DPYD: variants seen among roughly 807,000 people sequenced by gnomAD.
DPYD encodes the protein dihydropyrimidine dehydrogenase [NADP(+)].
DPYD carries 109 observed loss-of-function variants against 116.2 expected under a neutral mutation model. The ratio of observed to expected loss-of-function variants is 0.94; its 90% CI spans 0.80 to 1.10. DPYD has a LOEUF of 1.10. Among genes scored for constraint, DPYD ranks in the 50% least tolerant of loss-of-function variants. The pLI is 0.00. For missense variants in DPYD, 1,302 were observed against 1,254.5 expected, an observed-to-expected ratio of 1.04 and a Z score of -0.57; for synonymous variants, 440 against 432.0, an observed-to-expected ratio of 1.02 and a Z score of -0.23.
chr1:97,492,906 G>C lies in DPYD; in HGVS notation c.1740+22820C>G, dbSNP rs559161818. ...AAATCAATAATTTAAACCACAGGTTGAACATTTTTACTGCTTCCACTGCAG... is the reference window on the plus strand; with the variant it reads ...AAATCAATAATTTAAACCACAGGTTCAACATTTTTACTGCTTCCACTGCAG... On this transcript the variant is annotated intron_variant, in intron 13 of 22. Transcript: ENST00000370192. Among the ~76,000 whole-genome samples, 8 of 152,184 alleles carry C rather than the reference G, an allele frequency of 5.3e-5. No individual in the cohort carries two copies. The South Asian group carries it at 1.5e-3, about 28-fold the overall frequency.
chr1:97,449,449 G>A (rs1676277146), intron 14 of DPYD, among the ~76,000 whole-genome samples: 1 of 151,550 alleles, frequency 6.6e-6, no homozygotes, highest in South Asian at 2.1e-4. Flanking sequence ...GAGGTGGGAG[G>A]GATAGGGACA....
intron 19 of DPYD, among the ~76,000 whole-genome samples, chr1:97,220,713 G>A (rs1570698407): frequency 1.3e-5 from 2 of 152,086 alleles, no homozygotes; most frequent in East Asian, 3.9e-4. Flanking sequence ...TTATCTTACT[G>A]TCAATTATAT....
At chr1:97,173,935 C>CA (rs1274757072) in intron 20 of DPYD, among the ~76,000 whole-genome samples, 1 of 150,850 alleles carries the variant, frequency 6.6e-6, no homozygotes, top group African/African-American at 2.4e-5. Flanking sequence ...TAATGCCCTA[C>CA]AAAATGCACA....
chr1:97,081,118 G>A (rs1384385124), intron 22 of DPYD, among the ~76,000 whole-genome samples: 1 of 134,738 alleles, frequency 7.4e-6, no homozygotes, highest in Non-Finnish European at 1.6e-5. Context: ...TAGAACTGTG[G>A]AACTAGGAAG....
intron 8 of DPYD, among the ~76,000 whole-genome samples, chr1:97,626,988 G>C (rs1345288139): frequency 1.3e-5 from 2 of 151,998 alleles, no homozygotes; most frequent in African/African-American, 4.8e-5. Flanking sequence ...ATGTCTCATA[G>C]TTCTAGGAGC....
chr1:97,806,684 T>C (rs1353505440), intron 3 of DPYD, among the ~76,000 whole-genome samples: 4 of 151,934 alleles, frequency 2.6e-5, no homozygotes, highest in Admixed American at 6.6e-5. Flanking sequence ...ACAAAGTTCA[T>C]AGTTTACATT....
At chr1:97,362,187 G>C (rs933523084) in intron 16 of DPYD, among the ~76,000 whole-genome samples, 4 of 152,172 alleles carry the variant, frequency 2.6e-5, no homozygotes, top group African/African-American at 4.8e-5. Context: ...CAAATCATGA[G>C]CGAACTCCCA....
chr1:97,889,021 G>C (rs1425206742), intron 1 of DPYD, among the ~76,000 whole-genome samples: 1 of 151,994 alleles, frequency 6.6e-6, no homozygotes, highest in African/African-American at 2.4e-5. Flanking sequence ...GCCAGGCATG[G>C]TCGTGGGTGC....
chr1:97,703,174 C>T (rs923046346), intron 5 of DPYD, among the ~76,000 whole-genome samples: 14 of 151,800 alleles, frequency 9.2e-5, no homozygotes, highest in African/African-American at 3.4e-4. Flanking sequence ...AGGTTTTCCC[C>T]GAGTTTAACA....
At chr1:97,400,564 G>A (rs533690476) in intron 14 of DPYD, among the ~76,000 whole-genome samples, 4 of 152,214 alleles carry the variant, frequency 2.6e-5, no homozygotes, top group South Asian at 4.2e-4. Flanking sequence ...ATTCAGCTGC[G>A]AATCCGTCTG....
intron 12 of DPYD, among the ~76,000 whole-genome samples, chr1:97,527,498 A>T (rs1461758999): frequency 6.6e-6 from 1 of 152,204 alleles, no homozygotes; most frequent in Non-Finnish European, 1.5e-5. Context: ...ATACACACAC[A>T]TTGAAAAATC....
intron 1 of DPYD, among the ~76,000 whole-genome samples, chr1:97,888,453 T>C (rs921208896): frequency 6.6e-6 from 1 of 151,374 alleles, no homozygotes; most frequent in African/African-American, 2.4e-5. Context: ...GAAGTTACAC[T>C]GGCTTAAAAT....
intron 13 of DPYD, among the ~76,000 whole-genome samples, chr1:97,503,209 A>G (rs1435783929): frequency 6.6e-6 from 1 of 151,972 alleles, no homozygotes; most frequent in East Asian, 1.9e-4. Context: ...TCTATACAAT[A>G]TTTCTCTTTA....
Position 97,179,131 on chromosome 1 carries a change from C to T in DPYD, c.2622+13938G>A, listed in dbSNP as rs12040478. On this transcript the variant is annotated intron_variant, in intron 20 of 22. Transcript: ENST00000370192. The stretch of plus-strand genomic sequence containing the variant: ...GGGGACAAAGAATAGAAAATATTAG[C>T]GAGCACTAGCAATATCTACCACAAA... Among the ~76,000 whole-genome samples, 88 of 152,210 alleles carry T rather than the reference C, an allele frequency of 5.8e-4. 1 individual carries two copies. In the East Asian group the frequency reaches 0.015, roughly 25 times the overall value.
intron 20 of DPYD, among the ~76,000 whole-genome samples, chr1:97,135,293 G>T (rs904760644): frequency 6.6e-6 from 1 of 152,040 alleles, no homozygotes; most frequent in Non-Finnish European, 1.5e-5. Flanking sequence ...ATTAAATATG[G>T]ATCCATGTAA....
At chr1:97,530,972 AT>A (rs1649576407) in intron 12 of DPYD, among the ~76,000 whole-genome samples, 1 of 152,002 alleles carries the variant, frequency 6.6e-6, no homozygotes, top group Non-Finnish European at 1.5e-5. Context: ...CTATTTAAAT[AT>A]TTTGCTATTG....
chr1:97,874,899 C>T (rs993862214), intron 2 of DPYD, among the ~76,000 whole-genome samples: 7 of 151,806 alleles, frequency 4.6e-5, no homozygotes, highest in Non-Finnish European at 8.8e-5. Flanking sequence ...CAAAAAACTG[C>T]TAATTAAACT....
At chr1:97,169,975 A>C (rs1416303424) in intron 20 of DPYD, among the ~76,000 whole-genome samples, 1 of 152,198 alleles carries the variant, frequency 6.6e-6, no homozygotes, top group East Asian at 1.9e-4. Flanking sequence ...AGGAATAGAT[A>C]AATATTTAGA....
intron 13 of DPYD, among the ~76,000 whole-genome samples, chr1:97,504,648 A>G (rs567111653): frequency 1.3e-5 from 2 of 152,160 alleles, no homozygotes; most frequent in African/African-American, 4.8e-5. Context: ...AAACAAAAGT[A>G]TGTCTCCTAA....
Sources: gnomAD v4.1 joint callset for allele counts (sites outside exome capture counted in the v4.1 genomes callset) on GRCh38, gnomAD v4.1.1 for gene constraint, MANE v1.5 for transcripts, NCBI Gene and HGNC (gene_info 2026-07-23, HGNC 2026-07-21) for gene names.